DLGAP1: variants seen among roughly 807,000 people sequenced by gnomAD.
DLGAP1 encodes DLG associated protein 1.
Under a neutral mutation model 90.8 loss-of-function variants are expected in DLGAP1, and 11 were observed. The observed-to-expected ratio is 0.12, with a 90% confidence interval of 0.08 to 0.20. The LOEUF (loss-of-function observed/expected upper bound fraction) is 0.20, where lower values mean the gene tolerates loss of function less well. Ranked by LOEUF, DLGAP1 falls within the 10% of genes least tolerant of loss-of-function variation. The probability of loss-of-function intolerance (pLI) is 1.00; values close to 1 mark genes in which losing one functional copy is unlikely to be tolerated. For synonymous variants in DLGAP1, 558 were observed against 540.7 expected (o/e 1.03, Z -0.44); for missense variants, 1,050 against 1,333.8 (o/e 0.79, Z 3.31).
intron 3 of DLGAP1, among the ~76,000 whole-genome samples, chr18:3,933,009 C>T (rs1356726762): frequency 6.6e-6 from 1 of 152,150 alleles, no homozygotes; most frequent in Non-Finnish European, 1.5e-5. Context: ...ACGAGTTCCC[C>T]ACTTAGAGCA....
intron 1 of DLGAP1, among the ~76,000 whole-genome samples, chr18:4,419,525 A>AT (rs1374314060): frequency 3.3e-5 from 5 of 152,272 alleles, no homozygotes; most frequent in South Asian, 4.1e-4. Flanking sequence ...TGGAAAATAA[A>AT]TTTTTTTCAT....
At chr18:4,069,312 C>T (rs780761703) in intron 2 of DLGAP1, among the ~76,000 whole-genome samples, 6 of 152,122 alleles carry the variant, frequency 3.9e-5, no homozygotes, top group Non-Finnish European at 8.8e-5. Context: ...CCTCACATAT[C>T]ATTGTAAATT....
chr18:3,575,410 AATG>A (rs1174952277), intron 8 of DLGAP1, among the ~76,000 whole-genome samples: 40 of 152,318 alleles, frequency 2.6e-4, no homozygotes, highest in African/African-American at 8.9e-4. Flanking sequence ...AATTGAGTTA[AATG>A]ATAATATATG....
intron 2 of DLGAP1, among the ~76,000 whole-genome samples, chr18:4,108,217 C>T (rs2075904339): frequency 6.6e-6 from 1 of 152,074 alleles, no homozygotes; most frequent in East Asian, 1.9e-4. Flanking sequence ...ACCCTCATAC[C>T]CTGAAGAAAG....
chr18:3,942,599 G>A (rs2072791531), intron 3 of DLGAP1, among the ~76,000 whole-genome samples: 2 of 152,268 alleles, frequency 1.3e-5, no homozygotes, highest in African/African-American at 2.4e-5. Flanking sequence ...TCTCCCATCC[G>A]TCCAAATAGA....
At chr18:3,808,727 GT>G (rs1248965043) in intron 5 of DLGAP1, among the ~76,000 whole-genome samples, 4 of 152,044 alleles carry the variant, frequency 2.6e-5, no homozygotes, top group African/African-American at 9.7e-5. Context: ...ACGAGGAGCA[GT>G]AGGTAGGTAG....
intron 7 of DLGAP1, among the ~76,000 whole-genome samples, chr18:3,694,212 C>T (rs760013903): frequency 8.5e-5 from 13 of 152,090 alleles, no homozygotes; most frequent in Admixed American, 3.3e-4. Context: ...GCAAAGGACA[C>T]GAACGCATCC....
intron 2 of DLGAP1, among the ~76,000 whole-genome samples, chr18:4,045,306 T>C (rs2075032836): frequency 6.6e-6 from 1 of 151,860 alleles, no homozygotes; most frequent in Non-Finnish European, 1.5e-5. Context: ...AAAAAGGAAC[T>C]GATAACTCCT....
chr18:3,599,713 G>A (rs926601243), intron 7 of DLGAP1, among the ~76,000 whole-genome samples: 9 of 151,822 alleles, frequency 5.9e-5, no homozygotes, highest in African/African-American at 2.2e-4. Flanking sequence ...TCCACCTCCC[G>A]GGTTCAAGCG....
At chr18:3,783,125 AACT>A (rs1487974063) in intron 5 of DLGAP1, among the ~76,000 whole-genome samples, 1 of 152,190 alleles carries the variant, frequency 6.6e-6, no homozygotes, top group East Asian at 1.9e-4. Flanking sequence ...CTTCTAAGAC[AACT>A]ACAATAAAAA....
At chr18:3,712,451 T>C (rs1378646976) in intron 7 of DLGAP1, among the ~76,000 whole-genome samples, 1 of 152,220 alleles carries the variant, frequency 6.6e-6, no homozygotes, top group Non-Finnish European at 1.5e-5. Context: ...CTGGGGCTCA[T>C]GCTTCTCACC....
chr18:4,244,226 C>T (rs1007735198), intron 1 of DLGAP1, among the ~76,000 whole-genome samples: 2 of 152,102 alleles, frequency 1.3e-5, no homozygotes, highest in Non-Finnish European at 2.9e-5. Context: ...CCCTTCAAGT[C>T]CTACGTAGGA....
chr18:4,175,316 C>A (rs11874654), intron 1 of DLGAP1, among the ~76,000 whole-genome samples: 61,887 of 151,768 alleles, frequency 0.41, 13,144 homozygotes, highest in East Asian at 0.69. Flanking sequence ...TCTGGATATT[C>A]GACCTTTGTC....
intron 7 of DLGAP1, among the ~76,000 whole-genome samples, chr18:3,589,941 G>C (rs962196028): frequency 6.6e-6 from 1 of 152,120 alleles, no homozygotes; most frequent in Non-Finnish European, 1.5e-5. Context: ...ACAGAGTTTC[G>C]CTCTTGTTGC....
intron 1 of DLGAP1, among the ~76,000 whole-genome samples, chr18:4,209,854 G>C (rs536984090): frequency 6.6e-6 from 1 of 152,256 alleles, no homozygotes; most frequent in South Asian, 2.1e-4. Context: ...AGAAATAATA[G>C]AAAAGCCAAA....
intron 1 of DLGAP1, among the ~76,000 whole-genome samples, chr18:4,237,971 A>G (rs1442479919): frequency 6.6e-6 from 1 of 152,178 alleles, no homozygotes; most frequent in Non-Finnish European, 1.5e-5. Context: ...GCCATATGCC[A>G]TTTAAAGTAT....
chr18:4,451,200 C>A (rs1030412995), intron 1 of DLGAP1, among the ~76,000 whole-genome samples: 10 of 152,190 alleles, frequency 6.6e-5, no homozygotes, highest in African/African-American at 2.4e-4. Context: ...GTCAACACGG[C>A]TCCTGTGCAA....
intron 3 of DLGAP1, among the ~76,000 whole-genome samples, chr18:3,961,012 G>A (rs1353319061): frequency 1.3e-5 from 2 of 152,216 alleles, no homozygotes; most frequent in Admixed American, 6.5e-5. Flanking sequence ...AAAGAGACAC[G>A]AGGCTGGCTT....
At chr18:4,353,214 T>C (rs994352871) in intron 1 of DLGAP1, among the ~76,000 whole-genome samples, 1 of 152,200 alleles carries the variant, frequency 6.6e-6, no homozygotes, top group African/African-American at 2.4e-5. Context: ...CTCCTTTGTT[T>C]TGCTTTGTTT....
Sources: gnomAD v4.1 joint callset for allele counts (sites outside exome capture counted in the v4.1 genomes callset) on GRCh38, gnomAD v4.1.1 for gene constraint, MANE v1.5 for transcripts, NCBI Gene and HGNC (gene_info 2026-07-23, HGNC 2026-07-21) for gene names.